Variants in LONP1 observed in about 807,000 individuals in gnomAD.
LONP1 encodes lon peptidase 1, mitochondrial.
A neutral mutation model predicts 98.5 loss-of-function variants in LONP1; 31 were observed. The ratio of observed to expected loss-of-function variants is 0.31; its 90% CI spans 0.24 to 0.42. The LOEUF is 0.42. LONP1 is among the 20% of genes least tolerant of loss of function. LONP1 has a pLI of 1.00. For missense variants in LONP1, 1,336 were observed against 1,350.6 expected (o/e 0.99, Z 0.17); for synonymous variants, 781 against 594.7 (o/e 1.31, Z -4.56).
chr19:5,701,222 G>C (rs745848754), intron 8 of LONP1, among the ~76,000 whole-genome samples: 67 of 152,318 alleles, frequency 4.4e-4, no homozygotes, highest in Admixed American at 8.5e-4. Context: ...GAGGCAGGCG[G>C]ATCACAAGGT....
At chr19:5,695,026 T>G in intron 13 of LONP1, 125 bp from the exon 14 acceptor site, 1 of 1,170,112 alleles carries the variant, frequency 8.5e-7, no homozygotes, top group African/African-American at 1.5e-5. Flanking sequence ...TCCCTGATGG[T>G]GAAACCAGGG....
intron 10 of LONP1, among the ~76,000 whole-genome samples, chr19:5,697,904 A>C (rs2145589386): frequency 6.6e-6 from 1 of 152,062 alleles, no homozygotes; most frequent in African/African-American, 2.4e-5. Context: ...ACCTCCAGCC[A>C]TCCCTGAACC....
At chr19:5,699,426 G>A (rs748187744) in intron 9 of LONP1, among the ~76,000 whole-genome samples, 1 of 152,162 alleles carries the variant, frequency 6.6e-6, no homozygotes, top group Non-Finnish European at 1.5e-5. Flanking sequence ...GGACAACTAG[G>A]TGCTAGGAGA....
At chr19:5,707,221 C>G in intron 6 of LONP1, 78 bp from the exon 7 acceptor site, 1 of 1,190,758 alleles carries the variant, frequency 8.4e-7, no homozygotes, top group South Asian at 1.3e-5. Context: ...GGGGAAAATG[C>G]GCACCCTGAG....
At chr19:5,709,469 C>T (rs1255716084) in intron 4 of LONP1, among the ~76,000 whole-genome samples, 2 of 152,052 alleles carry the variant, frequency 1.3e-5, no homozygotes, top group African/African-American at 2.4e-5. Flanking sequence ...CCAGTGCACT[C>T]CAGTCTGAGT....
chr19:5,705,519 G>A (rs958611837), intron 8 of LONP1, among the ~76,000 whole-genome samples: 1 of 150,252 alleles, frequency 6.7e-6, no homozygotes, highest in African/African-American at 2.5e-5. Flanking sequence ...GCTCAAATCC[G>A]TGGCACCACC....
chr19:5,713,005 C>T, intron 3 of LONP1, 129 bp downstream of exon 3: 1 of 1,290,688 alleles, frequency 7.7e-7, no homozygotes, highest in East Asian at 2.4e-5. Context: ...GCTCTGGCCT[C>T]AGTGCTAGTG....
rs535511788 is a variant in LONP1, at chr19:5,698,999, G to A, written c.1685+28C>T. ...CCGGCAGCACAGCTGAGGGGAGTGC[G>A]TGGGGAGAGCTGTCAGGCCAGGCCT... On this transcript the variant is annotated intron_variant, in intron 10 of 17. Coordinates refer to ENST00000360614, the MANE Select transcript of LONP1 (RefSeq NM_004793.4). 156 of 1,582,904 alleles carry A rather than the reference G, an allele frequency of 9.9e-5. 2 individuals carry two copies. In the South Asian group the frequency reaches 1.1e-3, roughly 12 times the overall value.
At chr19:5,706,791 T>C (rs766439015) in intron 7 of LONP1, among the ~76,000 whole-genome samples, 22 of 152,226 alleles carry the variant, frequency 1.4e-4, no homozygotes, top group Non-Finnish European at 3.2e-4. Context: ...AAAGGAATTC[T>C]TCCCTTAATG....
At chr19:5,694,970 G>A (rs1460606525) in intron 13 of LONP1, 69 bp from the exon 14 acceptor site, 5 of 1,527,220 alleles carry the variant, frequency 3.3e-6, no homozygotes, top group Admixed American at 3.7e-5. Context: ...GAACCTGGGA[G>A]CCAATGCCTC....
intron 4 of LONP1, among the ~76,000 whole-genome samples, chr19:5,711,176 CT>C (rs1322205502): frequency 2.6e-5 from 4 of 152,240 alleles, no homozygotes; most frequent in Non-Finnish European, 5.9e-5. Context: ...GCACTTCCCC[CT>C]AGGCCCTGCA....
In LONP1 at chr19:5,694,851, C is replaced by T. The variant is rs2054897663; in HGVS notation, c.2064G>A (p.Lys688=). The T allele has an allele frequency of 1.2e-6, 2 of 1,603,472 alleles. No homozygotes were observed. Among genetic ancestry groups the T allele is most frequent in the Non-Finnish European group, 1.7e-6 (2 of 1,172,374 alleles). The change falls in exon 14 of 18, where the codon AAG becomes AAA. Residue 688 remains lysine, a synonymous_variant. Transcript: ENST00000360614. ...ARALCGLDES[K]AKLSSDVLTL... ...TCAGCACGTCCGATGACAGCTTGGC[C>T]TTGCTCTCATCCAAGCCACACAGGG... is the stretch of plus-strand genomic sequence containing the variant.
In LONP1 at chr19:5,692,022, G is replaced by C. The variant is rs550889734; in HGVS notation, c.*10C>G. 1.7e-6 allele frequency: 2 copies of C among 1,147,964 alleles called. No individual in the cohort carries two copies. The highest frequency in any genetic ancestry group is 3.0e-5 in the African/African-American group (2 of 66,816). The allele number at this position is 1,147,964 out of a possible 1,614,324, so 71.1% of individuals were successfully genotyped here. ...CCTGACATCCGCCGCCTGCAGTCCC[G>C]GGGTGGCCGTCACCGTTCCACGGCC... is the stretch of plus-strand genomic sequence containing the variant. On this transcript the variant is annotated 3_prime_UTR_variant, in exon 18 of 18. Transcript: ENST00000360614.
chr19:5,701,663 C>T (rs545526165), intron 8 of LONP1, among the ~76,000 whole-genome samples: 22 of 152,280 alleles, frequency 1.4e-4, no homozygotes, highest in African/African-American at 5.1e-4. Context: ...AGTGCAGTGG[C>T]GTGATCTCGG....
At chr19:5,697,422 G>A (rs1352894789) in intron 10 of LONP1, among the ~76,000 whole-genome samples, 2 of 151,454 alleles carry the variant, frequency 1.3e-5, no homozygotes, top group Non-Finnish European at 2.9e-5. Context: ...CCAGGACACA[G>A]CCCGTGCAAA....
chr19:5,707,785 A>G lies in LONP1; in HGVS notation c.974T>C (p.Val325Ala). The change falls in exon 6 of 18, where the codon GTG (valine) becomes GCG (alanine). Residue 325 changes from valine (V) to alanine (A), a missense_variant. By Grantham distance (64) the Val-to-Ala change is moderately conservative (BLOSUM62 0). Transcript: ENST00000360614. ...GTCGCTCAGGTAGATGGGGTTGTCCACCACCCGCTGGCCAGCCTGCATCAT... is the reference window on the plus strand; with the variant it reads ...GTCGCTCAGGTAGATGGGGTTGTCCGCCACCCGCTGGCCAGCCTGCATCAT... ...LQMMQAGQRV[V>A]DNPIYLSDMG... 1 of 1,613,070 alleles carries G rather than the reference A, an allele frequency of 6.2e-7. No individual in the cohort carries two copies.
chr19:5,701,994 G>A (rs536908749), intron 8 of LONP1, among the ~76,000 whole-genome samples: 2 of 151,888 alleles, frequency 1.3e-5, no homozygotes, highest in South Asian at 2.1e-4. Context: ...TGAGAAGTGA[G>A]GAGACCCTCT....
At chr19:5,719,014 C>T (rs959045708) in intron 1 of LONP1, among the ~76,000 whole-genome samples, 1 of 152,100 alleles carries the variant, frequency 6.6e-6, no homozygotes, top group African/African-American at 2.4e-5. Flanking sequence ...AATACAATAT[C>T]GTTACTAAAC....
At chr19:5,708,177 C>T (rs2055178118) in intron 5 of LONP1, 165 bp downstream of exon 5, 3 of 702,782 alleles carry the variant, frequency 4.3e-6, no homozygotes, top group Admixed American at 5.3e-5. Flanking sequence ...GGGCCTCCCA[C>T]CTGCCCCATG....
Sources: gnomAD v4.1 joint callset for allele counts (sites outside exome capture counted in the v4.1 genomes callset) on GRCh38, gnomAD v4.1.1 for gene constraint, MANE v1.5 for transcripts, NCBI Gene and HGNC (gene_info 2026-07-23, HGNC 2026-07-21) for gene names.